TNRC18: variants seen among roughly 807,000 people sequenced by gnomAD.
TNRC18 encodes trinucleotide repeat-containing gene 18 protein.
TNRC18 carries 69 observed loss-of-function variants against 226.7 expected under a neutral mutation model. That is an observed-to-expected ratio of 0.30 (90% confidence interval 0.25 to 0.37). TNRC18 has a LOEUF of 0.37. TNRC18 is among the 10% of genes least tolerant of loss of function. TNRC18 has a pLI of 1.00. For synonymous variants in TNRC18, 2,449 were observed against 1,927.6 expected (o/e 1.27, Z -7.09); for missense variants, 4,754 against 4,256.6 (o/e 1.12, Z -3.25).
At chr7:5,336,808 T>C (rs1790157685) in intron 18 of TNRC18, among the ~76,000 whole-genome samples, 1 of 152,096 alleles carries the variant, frequency 6.6e-6, no homozygotes, top group Non-Finnish European at 1.5e-5. Flanking sequence ...ATGGAGGGGA[T>C]CTAAGAGCTG....
chr7:5,375,008 C>T (rs1199902758), intron 9 of TNRC18, among the ~76,000 whole-genome samples: 2 of 152,206 alleles, frequency 1.3e-5, no homozygotes, highest in African/African-American at 4.8e-5. Flanking sequence ...GCCGGTCAGT[C>T]AATACACAAA....
intron 10 of TNRC18, among the ~76,000 whole-genome samples, chr7:5,372,584 G>T (rs1002202759): frequency 4.0e-5 from 6 of 151,722 alleles, no homozygotes; most frequent in Admixed American, 3.9e-4. Context: ...TCATGGTGGC[G>T]CACCCCTGTA....
chr7:5,371,207 T>C lies in TNRC18; in HGVS notation c.3387A>G (p.Glu1129=). 1.9e-6 allele frequency: 3 copies of C among 1,605,610 alleles called. No homozygotes were observed. The highest frequency in any genetic ancestry group is 1.7e-4 in the Middle Eastern group (1 of 6,026). Residue 1129 remains glutamate, a synonymous_variant, in exon 11 of 30, where the codon GAA becomes GAG. Coordinates refer to ENST00000430969, the MANE Select transcript of TNRC18 (RefSeq NM_001080495.3). Reference sequence around the variant, plus strand: ...AGGGGGACAAGCGGATGGGCTTGTCTTCGGGTGAGAGTGCCAGGCGCTCGG... The same window carrying C: ...AGGGGGACAAGCGGATGGGCTTGTCCTCGGGTGAGAGTGCCAGGCGCTCGG... The part of the protein sequence containing the change: ...DGPERLALSP[E]DKPIRLSPSK...
chr7:5,387,807 C>T lies in TNRC18; in HGVS notation c.2017G>A (p.Gly673Ser). 3 of 1,607,626 alleles carry T rather than the reference C, an allele frequency of 1.9e-6. No homozygotes were observed. The highest frequency in any genetic ancestry group is 2.2e-5 in the East Asian group (1 of 44,860). ...GGCGGGTGTCGCACTTCTGCCTCAC[C>T]CTGGGCACCAGAGCCCTCGCGCCCG... ...AFGREGSGAQ[G>S]EAEVRHPPVG... The change falls in exon 5 of 30, where the codon GGT becomes AGT. Residue 673 changes from glycine (G) to serine (S), a missense_variant. By Grantham distance (56) the Gly-to-Ser change is moderately conservative. Coordinates refer to ENST00000430969, the MANE Select transcript of TNRC18 (RefSeq NM_001080495.3).
intron 2 of TNRC18, among the ~76,000 whole-genome samples, chr7:5,406,151 G>C (rs1468929091): frequency 6.6e-6 from 1 of 152,176 alleles, no homozygotes; most frequent in East Asian, 1.9e-4. Context: ...GAAGCTGAGT[G>C]AAATAAGCCA....
At chr7:5,357,418 A>ATTT in intron 15 of TNRC18, 142 bp from the exon 16 acceptor site, 1 of 846,918 alleles carries the variant, frequency 1.2e-6, no homozygotes, top group African/African-American at 1.8e-5. Flanking sequence ...ATATATATTT[A>ATTT]TTTTTTTTTT....
Position 5,377,680 on chromosome 7 carries a change from C to T in TNRC18, c.2256-104G>A. On this transcript the variant is annotated intron_variant, in intron 6 of 29. Transcript: ENST00000430969. This position sits in a 1 kb window ranked among gnomAD's most constrained non-coding sequence, Gnocchi z 5.8. ...AACTGTTTGCCACCAGGCCATGAGTCAGGACAACCACTGCTCGGAACTGAA... is the reference window on the plus strand; with the variant it reads ...AACTGTTTGCCACCAGGCCATGAGTTAGGACAACCACTGCTCGGAACTGAA... 1 of 1,286,288 alleles carries T rather than the reference C, an allele frequency of 7.8e-7. No homozygotes were observed. The highest frequency in any genetic ancestry group is 1.1e-6 in the Non-Finnish European group (1 of 928,554). The allele number at this position is 1,286,288 out of a possible 1,614,324, so 79.7% of individuals were successfully genotyped here.
chr7:5,345,874 C>A lies in TNRC18; in HGVS notation c.5471-64G>T, dbSNP rs1044765131. ...CCTTGGCGAGGGCCACCCCCCACCG[C>A]CCCCTGGCCCAGAGTGGCCTCTGGG... On this transcript the variant is annotated intron_variant, in intron 17 of 29. Coordinates refer to ENST00000430969, the MANE Select transcript of TNRC18 (RefSeq NM_001080495.3). 4.7e-6 allele frequency: 7 copies of A among 1,488,328 alleles called. No homozygotes were observed. In the Admixed American group the frequency reaches 6.4e-5, roughly 14 times the overall value. 92.2% of individuals were successfully genotyped at this position (1,488,328 alleles called of 1,614,324 possible).
At chr7:5,341,881 T>C (rs1378641626) in intron 18 of TNRC18, among the ~76,000 whole-genome samples, 1 of 151,832 alleles carries the variant, frequency 6.6e-6, no homozygotes, top group Non-Finnish European at 1.5e-5. Flanking sequence ...CAAAAAAAAA[T>C]TCCTTTCAAA....
chr7:5,372,542 TAAA>T (rs1270563593), intron 10 of TNRC18, among the ~76,000 whole-genome samples: 1 of 128,358 alleles, frequency 7.8e-6, no homozygotes, highest in Non-Finnish European at 1.7e-5. Flanking sequence ...CCATCTCTAC[TAAA>T]AAAAAAAAAA....
chr7:5,344,628 GT>G (rs1473793804), intron 18 of TNRC18, among the ~76,000 whole-genome samples: 4 of 152,156 alleles, frequency 2.6e-5, no homozygotes, highest in Admixed American at 2.0e-4. Flanking sequence ...CTGTTTTCCT[GT>G]CCTAGCCCCT....
chr7:5,367,757 C>CAA (rs34348992), intron 11 of TNRC18, among the ~76,000 whole-genome samples: 8 of 131,418 alleles, frequency 6.1e-5, no homozygotes, highest in East Asian at 2.2e-4. Context: ...TTCTTCTACC[C>CAA]AAAAAAAAAA....
At chr7:5,381,998 A>T (rs1779429113) in intron 5 of TNRC18, among the ~76,000 whole-genome samples, 2 of 152,106 alleles carry the variant, frequency 1.3e-5, no homozygotes, top group South Asian at 2.1e-4. Context: ...TAATAAAAAT[A>T]AAAAATAAAA....
chr7:5,352,008 G>A lies in TNRC18; in HGVS notation c.5281C>T (p.Leu1761=), dbSNP rs1416345439. ...CTGTTCTTTGCCACCATGCTACACA[G>A]GAGGGAAGGCGTCAGTTTGGAGCTG... ...PSSSKLTPSL[L]CSMVAKNSKA... is the part of the protein sequence containing the mutation. The change falls in exon 17 of 30, where the codon CTG becomes TTG. Residue 1761 remains leucine (L), a synonymous_variant. Coordinates refer to ENST00000430969, the MANE Select transcript of TNRC18 (RefSeq NM_001080495.3). 1 of 1,614,008 alleles carries A rather than the reference G, an allele frequency of 6.2e-7. No individual in the cohort carries two copies. Among genetic ancestry groups the A allele is most frequent in the Non-Finnish European group, 8.5e-7 (1 of 1,179,888 alleles).
chr7:5,310,285 A>G (rs1324130795), intron 27 of TNRC18, among the ~76,000 whole-genome samples: 1 of 152,168 alleles, frequency 6.6e-6, no homozygotes, highest in Non-Finnish European at 1.5e-5. Context: ...GCTGGAGTGC[A>G]GTGGCACGAT....
At chr7:5,366,318 C>CTTTTTTTTTTTTTTTTTTTTTTTTT (rs202053648) in intron 11 of TNRC18, among the ~76,000 whole-genome samples, 2 of 70,464 alleles carry the variant, frequency 2.8e-5, no homozygotes, top group African/African-American at 6.3e-5. Flanking sequence ...CTTCTTATAT[C>CTTTTTTTTTTTTTTTTTTTTTTTTT]TTTTTTTTTT....
At chr7:5,362,076 C>A in intron 12 of TNRC18, 43 bp from the exon 13 acceptor site, 1 of 1,600,842 alleles carries the variant, frequency 6.2e-7, no homozygotes, top group South Asian at 1.1e-5. Flanking sequence ...GAGGATGCCA[C>A]TGCCTAACGA....
At chr7:5,395,966 C>T (rs1356791035) in intron 2 of TNRC18, among the ~76,000 whole-genome samples, 2 of 149,402 alleles carry the variant, frequency 1.3e-5, no homozygotes, top group Non-Finnish European at 3.0e-5. Context: ...CACTGCACTC[C>T]AGCCTGGGCG....
At chr7:5,414,181 A>G (rs558423626) in intron 2 of TNRC18, among the ~76,000 whole-genome samples, 26 of 152,002 alleles carry the variant, frequency 1.7e-4, no homozygotes, top group African/African-American at 6.0e-4. Context: ...TCCTGACCTC[A>G]GGTGATCCGC....
Sources: allele counts gnomAD v4.1 joint callset (sites outside exome capture counted in the v4.1 genomes callset), GRCh38; gene constraint gnomAD v4.1.1; non-coding constraint Gnocchi (gnomAD v3.1); transcripts MANE v1.5; gene names NCBI Gene and HGNC (gene_info 2026-07-23, HGNC 2026-07-21).